SLC7A1: variants seen among roughly 807,000 people sequenced by gnomAD.
SLC7A1 encodes high affinity cationic amino acid transporter 1.
A neutral mutation model predicts 53.9 loss-of-function variants in SLC7A1; 10 were observed. The ratio of observed to expected loss-of-function variants is 0.19; its 90% CI spans 0.11 to 0.31. The LOEUF is 0.31. Among genes scored for constraint, SLC7A1 ranks in the 10% least tolerant of loss-of-function variants. The pLI is 1.00. For missense variants in SLC7A1, 525 were observed against 827.2 expected (o/e 0.63, Z 4.48); for synonymous variants, 342 against 338.7 (o/e 1.01, Z -0.11).
intron 8 of SLC7A1, among the ~76,000 whole-genome samples, chr13:29,521,069 G>T (rs1173274537): frequency 1.3e-5 from 2 of 152,228 alleles, no homozygotes; most frequent in Non-Finnish European, 2.9e-5. Flanking sequence ...CGTAAAGCCT[G>T]AGAAAACAAT....
intron 1 of SLC7A1, 58 bp from the exon 2 acceptor site, chr13:29,553,918 T>A (rs1227805892): frequency 6.7e-6 from 1 of 149,224 alleles, no homozygotes; most frequent in East Asian, 1.9e-4. Flanking sequence ...AATCTCTAAG[T>A]CTGTGGCTGG....
intron 1 of SLC7A1, among the ~76,000 whole-genome samples, chr13:29,591,123 A>T (rs1035799900): frequency 4.6e-5 from 7 of 151,810 alleles, no homozygotes; most frequent in African/African-American, 1.2e-4. Flanking sequence ...ATATATATAT[A>T]TTTTTCTCCC....
In SLC7A1 at chr13:29,595,575, C is replaced by T. The variant is rs1446199078; in HGVS notation, c.-274G>A. On this transcript the variant is annotated 5_prime_UTR_variant, in exon 1 of 13. Transcript: ENST00000380752. ...AGTGGAGGCTGCGGTTAGCGGGAGC[C>T]CGCGGCCGCGTGCGCGCCTGCCAGG... 1.3e-5 allele frequency: 2 copies of T among 150,858 alleles called. No homozygotes were observed. The highest frequency in any genetic ancestry group is 3.0e-5 in the Non-Finnish European group (2 of 67,726). 9.3% of individuals were successfully genotyped at this position (150,858 alleles called of 1,614,324 possible).
At position 29,511,595 on chromosome 13, in the gene SLC7A1, C is replaced by T. The variant is rs1048661580; in HGVS notation, c.*2885G>A. 2.6e-5 allele frequency: 4 copies of T among 152,404 alleles called. No individual in the cohort carries two copies. Among genetic ancestry groups the T allele is most frequent in the African/African-American group, 9.6e-5 (4 of 41,556 alleles). The allele number at this position is 152,404 out of a possible 1,614,324, so 9.4% of individuals were successfully genotyped here. A position where few individuals can be genotyped will look rare whatever the true frequency, so the allele number is the denominator to read the frequency against. ...GAGCTGCCCTCCTGTAAGCCGGCTCCCGAGCCAGCTGCCAACAAGGCCCCC... is the reference window on the plus strand; with the variant it reads ...GAGCTGCCCTCCTGTAAGCCGGCTCTCGAGCCAGCTGCCAACAAGGCCCCC... On this transcript the variant is annotated 3_prime_UTR_variant, in exon 13 of 13. Transcript: ENST00000380752.
chr13:29,512,088 T>G lies in SLC7A1; in HGVS notation c.*2392A>C, dbSNP rs3011623. ...CACCATTGCTTAAATCACTCCCCTC[T>G]CACACAGAGAGAAAACCCCTGGCAA... On this transcript the variant is annotated 3_prime_UTR_variant, in exon 13 of 13. Transcript: ENST00000380752. 143,571 of 152,210 alleles carry G rather than the reference T, an allele frequency of 0.94. 67,996 individuals carry two copies. The highest frequency in any genetic ancestry group is 0.99 in the Non-Finnish European group (67,046 of 68,036). The allele number at this position is 152,210 out of a possible 1,614,324, so 9.4% of individuals were successfully genotyped here.
intron 1 of SLC7A1, among the ~76,000 whole-genome samples, chr13:29,580,460 A>C (rs1871597313): frequency 1.3e-5 from 2 of 152,130 alleles, no homozygotes; most frequent in African/African-American, 4.8e-5. Context: ...ACCCCTCTTC[A>C]TGCCCAGACA....
At chr13:29,557,603 A>G (rs1054553451) in intron 1 of SLC7A1, among the ~76,000 whole-genome samples, 2 of 150,362 alleles carry the variant, frequency 1.3e-5, no homozygotes, top group African/African-American at 2.5e-5. Context: ...CCATGAACTT[A>G]CCATGAACGA....
At chr13:29,593,225 A>T (rs1425370820) in intron 1 of SLC7A1, among the ~76,000 whole-genome samples, 1 of 152,222 alleles carries the variant, frequency 6.6e-6, no homozygotes, top group East Asian at 1.9e-4. Flanking sequence ...TTAATACAGC[A>T]ACTCCGATGT....
At chr13:29,557,291 A>G (rs1166481583) in intron 1 of SLC7A1, among the ~76,000 whole-genome samples, 4 of 152,222 alleles carry the variant, frequency 2.6e-5, no homozygotes, top group Non-Finnish European at 5.9e-5. Context: ...TGGCTATATT[A>G]TAATACAGTC....
chr13:29,528,729 C>G (rs1271742569), intron 5 of SLC7A1, among the ~76,000 whole-genome samples: 1 of 152,250 alleles, frequency 6.6e-6, no homozygotes, highest in African/African-American at 2.4e-5. Flanking sequence ...CGATCCCCTG[C>G]CGTCCCTGTG....
At chr13:29,524,075 T>C (rs900798961) in intron 6 of SLC7A1, 57 bp downstream of exon 6, 5 of 1,570,380 alleles carry the variant, frequency 3.2e-6, no homozygotes, top group Non-Finnish European at 4.4e-6. Context: ...TGGCAAGCAT[T>C]GGCTTGTTTG....
At chr13:29,585,725 T>C (rs1871853043) in intron 1 of SLC7A1, among the ~76,000 whole-genome samples, 1 of 152,034 alleles carries the variant, frequency 6.6e-6, no homozygotes, top group Non-Finnish European at 1.5e-5. Context: ...GGGCTCTGAA[T>C]CCCAAGTGCC....
At chr13:29,548,375 A>G (rs1870016951) in intron 2 of SLC7A1, among the ~76,000 whole-genome samples, 1 of 152,284 alleles carries the variant, frequency 6.6e-6, no homozygotes, top group Non-Finnish European at 1.5e-5. Flanking sequence ...TAACAGCCTC[A>G]CTGGGGAGAT....
At chr13:29,594,878 G>A (rs1872244763) in intron 1 of SLC7A1, among the ~76,000 whole-genome samples, 1 of 152,174 alleles carries the variant, frequency 6.6e-6, no homozygotes. Flanking sequence ...CCGGCCACCT[G>A]CCGCGGGACC....
chr13:29,588,348 C>T (rs1445056145), intron 1 of SLC7A1, among the ~76,000 whole-genome samples: 1 of 152,132 alleles, frequency 6.6e-6, no homozygotes, highest in East Asian at 1.9e-4. Flanking sequence ...CTTCAGCTGA[C>T]TCTCAAATGG....
At chr13:29,590,788 G>A (rs1020277672) in intron 1 of SLC7A1, among the ~76,000 whole-genome samples, 6 of 152,134 alleles carry the variant, frequency 3.9e-5, no homozygotes, top group South Asian at 2.1e-4. Flanking sequence ...ATGAGAGAGC[G>A]AAATTAAGTT....
chr13:29,564,274 T>C (rs1870879075), intron 1 of SLC7A1, among the ~76,000 whole-genome samples: 1 of 152,108 alleles, frequency 6.6e-6, no homozygotes, highest in Non-Finnish European at 1.5e-5. Context: ...CTGACAATAA[T>C]AATAACAAAG....
intron 4 of SLC7A1, among the ~76,000 whole-genome samples, chr13:29,531,778 G>A (rs1224499746): frequency 6.6e-6 from 1 of 152,148 alleles, no homozygotes; most frequent in African/African-American, 2.4e-5. Context: ...AGGTTGCAGT[G>A]AGCCAAGATC....
intron 1 of SLC7A1, among the ~76,000 whole-genome samples, chr13:29,569,190 C>A (rs531021657): frequency 6.6e-6 from 1 of 152,096 alleles, no homozygotes; most frequent in Admixed American, 6.5e-5. Flanking sequence ...GTATGCATCC[C>A]GAGCTCTCTG....
Sources: allele counts gnomAD v4.1 joint callset (sites outside exome capture counted in the v4.1 genomes callset), GRCh38; gene constraint gnomAD v4.1.1; transcripts MANE v1.5; gene names NCBI Gene and HGNC (gene_info 2026-07-23, HGNC 2026-07-21).